CILP2: variants seen among roughly 807,000 people sequenced by gnomAD.
The protein encoded by CILP2 is CILP-2.
CILP2 carries 38 observed loss-of-function variants against 45.6 expected under a neutral mutation model. The ratio of observed to expected loss-of-function variants is 0.83; its 90% CI spans 0.64 to 1.09. The LOEUF is 1.09. CILP2 is among the 50% of genes least tolerant of loss of function. The probability of loss-of-function intolerance (pLI) is 0.00; values close to 1 mark genes in which losing one functional copy is unlikely to be tolerated. For missense variants in CILP2, 1,735 were observed against 1,662.2 expected (o/e 1.04, Z -0.76); for synonymous variants, 780 against 723.5 (o/e 1.08, Z -1.25).
chr19:19,544,773 C>T lies in CILP2; in HGVS notation c.2228C>T (p.Ala743Val), dbSNP rs767622034. 5.6e-6 allele frequency: 9 copies of T among 1,606,812 alleles called. No homozygotes were observed. Among genetic ancestry groups the T allele is most frequent in the Non-Finnish European group, 6.8e-6 (8 of 1,179,612 alleles). Residue 743 changes from alanine (A) to valine (V), a missense_variant, in exon 8 of 8, where the codon GCC (alanine) becomes GTC (valine). By Grantham distance (64) the Ala-to-Val change is moderately conservative. Transcript: ENST00000291495. ...CGCCGCTGCTTCGTGAAGGTGCGCG[C>T]CTACGCCAACGACAAGTTCACCCCC... ...ERRRCFVKVR[A>V]YANDKFTPSE... is the part of the protein sequence containing the mutation.
chr19:19,543,733 C>T lies in CILP2; in HGVS notation c.1188C>T (p.Leu396=). The T allele has an allele frequency of 6.2e-7, 1 of 1,612,726 alleles. No homozygotes were observed. The highest frequency in any genetic ancestry group is 8.5e-7 in the Non-Finnish European group (1 of 1,179,240). ...GGCCCCGAGAGTACCTGATCAAGCT[C>T]CCTGAGGACTGTGGTCAGCCAGGTA... ...DPRPREYLIK[L]PEDCGQPGSG... is the part of the protein sequence containing the mutation. Residue 396 remains leucine, a synonymous_variant, in exon 8 of 8, where the codon CTC becomes CTT. Coordinates refer to ENST00000291495, the MANE Select transcript of CILP2 (RefSeq NM_153221.2).
chr19:19,542,702 A>T (rs780254636), intron 5 of CILP2, 52 bp downstream of exon 5: 1 of 1,594,646 alleles, frequency 6.3e-7, no homozygotes. Context: ...CTGGGGAGGA[A>T]GTTCTAGCAC....
At position 19,546,334 on chromosome 19, in the gene CILP2, C is replaced by T. The variant is rs2304097; in HGVS notation, c.*318C>T. 0.068 allele frequency: 16,368 copies of T among 240,022 alleles called. 1,752 individuals carry two copies. The highest frequency in any genetic ancestry group is 0.26 in the African/African-American group (11,494 of 44,514). 14.9% of individuals were successfully genotyped at this position (240,022 alleles called of 1,614,324 possible). ...CTCTGACTTCTCGTGCGTATTTTGA[C>T]CCTGATTTCAATCTTCTACCCTTGG... On this transcript the variant is annotated 3_prime_UTR_variant, in exon 8 of 8. Transcript: ENST00000291495.
rs774437901 is a variant in CILP2, at chr19:19,545,493, G to C, written c.2948G>C (p.Arg983Pro). The change falls in exon 8 of 8, where the codon CGT becomes CCT. Residue 983 changes from arginine (R) to proline (P), a missense_variant. Transcript: ENST00000291495. ...RDARSVRDPE[R>P]PGTSAACVEF... ...GCCCGGAGTGTGCGAGACCCCGAGC[G>C]TCCGGGCACCTCGGCAGCCTGCGTG... The C allele has an allele frequency of 1.2e-6, 2 of 1,612,416 alleles. No individual in the cohort carries two copies. The highest frequency in any genetic ancestry group is 8.5e-7 in the Non-Finnish European group (1 of 1,179,778).
In CILP2 at chr19:19,545,915, A is replaced by G. The variant is rs1416475947; in HGVS notation, c.3370A>G (p.Thr1124Ala). ...CCAGAGGCTGCTGGAGTCCCCGGCG[A>G]CAGCACTTGGTGACATCCGCAGGGA... ...LFQRLLESPATALGDIRREMS... is the reference protein window; with the variant it reads ...LFQRLLESPAAALGDIRREMS... Residue 1124 changes from threonine (T) to alanine (A), a missense_variant, in exon 8 of 8, where the codon ACA (threonine) becomes GCA (alanine). Thr to Ala is a moderately conservative substitution (Grantham distance 58, BLOSUM62 0). Transcript: ENST00000291495. 2 of 1,582,152 alleles carry G rather than the reference A, an allele frequency of 1.3e-6. No individual in the cohort carries two copies. Among genetic ancestry groups the G allele is most frequent in the Non-Finnish European group, 1.7e-6 (2 of 1,158,592 alleles).
At chr19:19,538,456 G>A (rs1392721820) in intron 1 of CILP2, 43 bp downstream of exon 1, 3 of 1,428,802 alleles carry the variant, frequency 2.1e-6, no homozygotes, top group South Asian at 1.4e-5. Context: ...TGAGGCTCCC[G>A]AGGGCCTGGC....
At position 19,545,401 on chromosome 19, in the gene CILP2, G is replaced by A. The variant is rs1600379796; in HGVS notation, c.2856G>A (p.Met952Ile). 1.2e-6 allele frequency: 2 copies of A among 1,612,694 alleles called. No homozygotes were observed. The highest frequency in any genetic ancestry group is 2.2e-5 in the East Asian group (1 of 44,860). The part of the protein sequence containing the change: ...KVKIQGPQEY[M>I]VRSHNAGGSH... The stretch of plus-strand genomic sequence containing the variant: ...AGATCCAGGGTCCCCAGGAGTATAT[G>A]GTCCGCTCCCACAACGCAGGGGGCA... The change falls in exon 8 of 8, where the codon ATG becomes ATA. Residue 952 changes from methionine (M) to isoleucine (I), a missense_variant. Met to Ile is a conservative substitution (Grantham distance 10). Coordinates refer to ENST00000291495, the MANE Select transcript of CILP2 (RefSeq NM_153221.2).
chr19:19,541,925 G>A (rs941490598), intron 4 of CILP2, among the ~76,000 whole-genome samples: 1 of 152,174 alleles, frequency 6.6e-6, no homozygotes, highest in African/African-American at 2.4e-5. Flanking sequence ...ACCCCATCGC[G>A]CCTGGCTCTG....
rs2061252666 is a variant in CILP2, at chr19:19,543,772, C to T, written c.1227C>T (p.Tyr409=). 1.9e-6 allele frequency: 3 copies of T among 1,613,970 alleles called. No individual in the cohort carries two copies. The highest frequency in any genetic ancestry group is 2.5e-6 in the Non-Finnish European group (3 of 1,179,964). The stretch of plus-strand genomic sequence containing the variant: ...GTCAGCCAGGTAGTGGCCCTGCCTA[C>T]CTGGATGTGGGCCTCTGTCCCGACA... ...DCGQPGSGPA[Y]LDVGLCPDTR... Residue 409 remains tyrosine (Y), a synonymous_variant, in exon 8 of 8, where the codon TAC becomes TAT. Coordinates refer to ENST00000291495, the MANE Select transcript of CILP2 (RefSeq NM_153221.2).
rs774022049 is a variant in CILP2 at position 19,538,307 on chromosome 19, C to A, written c.-43C>A. 6 of 1,536,094 alleles carry A rather than the reference C, an allele frequency of 3.9e-6. No individual in the cohort carries two copies. Among genetic ancestry groups the A allele is most frequent in the Non-Finnish European group, 1.7e-6 (2 of 1,146,276 alleles). On this transcript the variant is annotated 5_prime_UTR_variant, in exon 1 of 8. Transcript: ENST00000291495. ...GACCCGCCGGAGTTGGACCCGAGCA[C>A]GCCGCGGAGCCCGGACCCTCCCTCG...
chr19:19,540,132 G>A, intron 2 of CILP2, 72 bp from the exon 3 acceptor site: 4 of 1,440,852 alleles, frequency 2.8e-6, no homozygotes, highest in South Asian at 1.4e-5. Flanking sequence ...GAGACAGCAA[G>A]TAAGGCCTTT....
At chr19:19,541,520 A>T (rs2061244267) in intron 4 of CILP2, among the ~76,000 whole-genome samples, 1 of 152,166 alleles carries the variant, frequency 6.6e-6, no homozygotes, top group Non-Finnish European at 1.5e-5. Flanking sequence ...TCCTGGGCCC[A>T]AGGAGCACTG....
Position 19,546,110 on chromosome 19 carries a change from A to C in CILP2, c.*94A>C. 1 of 1,096,064 alleles carries C rather than the reference A, an allele frequency of 9.1e-7. No homozygotes were observed. The highest frequency in any genetic ancestry group is 1.2e-6 in the Non-Finnish European group (1 of 824,722). 67.9% of individuals were successfully genotyped at this position (1,096,064 alleles called of 1,614,324 possible). A position where few individuals can be genotyped will look rare whatever the true frequency, so the allele number is the denominator to read the frequency against. On this transcript the variant is annotated 3_prime_UTR_variant, in exon 8 of 8. Transcript: ENST00000291495. The stretch of plus-strand genomic sequence containing the variant: ...TTCTTCTCCAGACAGCCCCCTCCCC[A>C]GGTGTCTGGGTCCCCTTTCCCGCCC...
rs777008035 is a variant in CILP2, at chr19:19,545,355, G to A, written c.2810G>A (p.Arg937Gln). The A allele has an allele frequency of 6.8e-6, 11 of 1,612,110 alleles. No individual in the cohort carries two copies. The South Asian group carries it at 9.9e-5, about 15-fold the overall frequency. ...LAWWPNPQEF[R>Q]ACFLKVKIQG... The stretch of plus-strand genomic sequence containing the variant: ...TGGTGGCCCAACCCGCAGGAGTTCC[G>A]GGCCTGCTTCCTCAAGGTGAAGATC... Residue 937 changes from arginine to glutamine, a missense_variant, in exon 8 of 8, where the codon CGG becomes CAG. By Grantham distance (43) the Arg-to-Gln change is conservative. Coordinates refer to ENST00000291495, the MANE Select transcript of CILP2 (RefSeq NM_153221.2).
Position 19,545,212 on chromosome 19 carries a change from G to A in CILP2, c.2667G>A (p.Gly889=), listed in dbSNP as rs1472788565. 8.7e-6 allele frequency: 14 copies of A among 1,612,512 alleles called. No homozygotes were observed. The highest frequency in any genetic ancestry group is 1.1e-5 in the Non-Finnish European group (13 of 1,179,692). The change falls in exon 8 of 8, where the codon GGG becomes GGA. Residue 889 remains glycine, a synonymous_variant. Transcript: ENST00000291495. ...GGCGCAGCCTGCGGGAATGCCAGGG[G>A]GCCCCGGTGACTGCCAGCCACTTCC... is the stretch of plus-strand genomic sequence containing the variant. ...YPWRSLRECQ[G]APVTASHFRF...
intron 4 of CILP2, 26 bp from the exon 5 acceptor site, chr19:19,542,349 C>A: frequency 1.3e-6 from 2 of 1,594,872 alleles, no homozygotes; most frequent in Non-Finnish European, 1.7e-6. Context: ...GTTTCTCTGT[C>A]CTGCTTCCTC....
In CILP2 at chr19:19,545,922, T is replaced by C. The variant is rs1306226903; in HGVS notation, c.3377T>C (p.Leu1126Pro). 2 of 1,581,158 alleles carry C rather than the reference T, an allele frequency of 1.3e-6. No homozygotes were observed. Among genetic ancestry groups the C allele is most frequent in the Non-Finnish European group, 1.7e-6 (2 of 1,157,940 alleles). ...CTGCTGGAGTCCCCGGCGACAGCAC[T>C]TGGTGACATCCGCAGGGAGATGAGC... ...QRLLESPATALGDIRREMSEA... is the reference protein window; with the variant it reads ...QRLLESPATAPGDIRREMSEA... The change falls in exon 8 of 8, where the codon CTT becomes CCT. Residue 1126 changes from leucine (L) to proline (P), a missense_variant. Leu to Pro is a moderately conservative substitution (Grantham distance 98, BLOSUM62 -3). Coordinates refer to ENST00000291495, the MANE Select transcript of CILP2 (RefSeq NM_153221.2).
In CILP2 at chr19:19,544,760, G is replaced by C. The variant is rs1453054274; in HGVS notation, c.2215G>C (p.Val739Leu). 1 of 1,606,896 alleles carries C rather than the reference G, an allele frequency of 6.2e-7. No individual in the cohort carries two copies. Among genetic ancestry groups the C allele is most frequent in the African/African-American group, 1.3e-5 (1 of 75,038 alleles). ...CGTGCCTGAGCGCCGCCGCTGCTTC[G>C]TGAAGGTGCGCGCCTACGCCAACGA... is the stretch of plus-strand genomic sequence containing the variant. The part of the protein sequence containing the change: ...LDVPERRRCF[V>L]KVRAYANDKF... Residue 739 changes from valine (V) to leucine (L), a missense_variant, in exon 8 of 8, where the codon GTG (valine) becomes CTG (leucine). Physicochemically the swap from Val to Leu is conservative, Grantham distance 32 (BLOSUM62 1). Transcript: ENST00000291495.
rs148704674 is a variant in CILP2 at position 19,545,618 on chromosome 19, G to A, written c.3073G>A (p.Gly1025Arg). The part of the protein sequence containing the change: ...QGSCRRVAVN[G>R]LLRDYLTRHP... ...CAGCTGCCGGCGCGTGGCCGTCAAC[G>A]GACTCCTTCGGGATTACCTGACCCG... is the stretch of plus-strand genomic sequence containing the variant. The change falls in exon 8 of 8, where the codon GGA becomes AGA. Residue 1025 changes from glycine to arginine, a missense_variant. Transcript: ENST00000291495. 8 of 1,607,744 alleles carry A rather than the reference G, an allele frequency of 5.0e-6. No homozygotes were observed. In the Admixed American group the frequency reaches 1.3e-4, roughly 27 times the overall value.
Sources: gnomAD v4.1 joint callset for allele counts (sites outside exome capture counted in the v4.1 genomes callset) on GRCh38, gnomAD v4.1.1 for gene constraint, MANE v1.5 for transcripts, NCBI Gene and HGNC (gene_info 2026-07-23, HGNC 2026-07-21) for gene names.